The following RRM2 variants were observed in gnomAD, a reference collection of about 807,000 sequenced individuals.
The protein encoded by RRM2 is ribonucleoside-diphosphate reductase subunit M2.
A neutral mutation model predicts 45.9 loss-of-function variants in RRM2; 6 were observed. The ratio of observed to expected loss-of-function variants is 0.13; its 90% CI spans 0.07 to 0.26. The LOEUF (loss-of-function observed/expected upper bound fraction) is 0.26. Ranked by LOEUF, RRM2 falls within the 10% of genes least tolerant of loss-of-function variation. The pLI is 1.00. For missense variants in RRM2, 343 were observed against 489.5 expected, an observed-to-expected ratio of 0.70 and a Z score of 2.82; for synonymous variants, 177 against 173.0, an observed-to-expected ratio of 1.02 and a Z score of -0.18.
chr2:10,204,194 C>A lies in RRM2; in HGVS notation n.483-6117C>A, dbSNP rs1664623479. 6.6e-6 allele frequency among the ~76,000 whole-genome samples: 1 copy of A among 152,042 alleles called. No individual in the cohort carries two copies. The highest frequency in any genetic ancestry group is 2.1e-4 in the South Asian group (1 of 4,820). On this transcript the variant is annotated intron_variant and non_coding_transcript_variant, in intron 3 of 3. Coordinates refer to the RRM2 transcript ENST00000381786. This position sits in a 1 kb window ranked among gnomAD's most constrained non-coding sequence, Gnocchi z 4.0. The stretch of plus-strand genomic sequence containing the variant: ...GAAGATAGACTTCTTTCACCTGGGG[C>A]CTGGCTTCGTCCAACAGCAGAGCCC...
Position 10,122,774 on chromosome 2 carries a change from C to T in RRM2, c.-25C>T, listed in dbSNP as rs565233564. On this transcript the variant is annotated 5_prime_UTR_variant, in exon 1 of 10. Transcript: ENST00000304567. Reference sequence around the variant, plus strand: ...TCCCAGCCGTCCTGTCCTGGCTGCTCGCTCTGCTTCGCTGCGCCTCCACTA... The same window carrying T: ...TCCCAGCCGTCCTGTCCTGGCTGCTTGCTCTGCTTCGCTGCGCCTCCACTA... The T allele has an allele frequency of 5.7e-6, 9 of 1,567,376 alleles. No individual in the cohort carries two copies. Among genetic ancestry groups the T allele is most frequent in the Admixed American group, 3.8e-5 (2 of 52,384 alleles).
exon 1 of RRM2, chr2:10,141,604 T>C (rs1349925496): frequency 2.7e-5 from 14 of 522,164 alleles, no homozygotes; most frequent in Non-Finnish European, 1.0e-5. Flanking sequence ...GAGTCAAGAA[T>C]GCATGTGCTT....
intron 3 of RRM2, chr2:10,142,420 T>C (rs1572497924): frequency 7.3e-7 from 1 of 1,366,530 alleles, no homozygotes; most frequent in African/African-American, 1.5e-5. Context: ...GAGGGGCCAC[T>C]GTGGAGGTGG....
At chr2:10,162,278 T>A (rs940145534) in intron 3 of RRM2, among the ~76,000 whole-genome samples, 1 of 152,128 alleles carries the variant, frequency 6.6e-6, no homozygotes, top group Non-Finnish European at 1.5e-5. Context: ...CCGTCGTTCA[T>A]GTCGATTCTC....
chr2:10,150,201 A>G (rs1048977655), intron 3 of RRM2, among the ~76,000 whole-genome samples: 13 of 152,058 alleles, frequency 8.5e-5, no homozygotes, highest in Non-Finnish European at 1.8e-4. Flanking sequence ...TAATCCCAGC[A>G]CTTTGGGAGG....
At chr2:10,152,270 G>A (rs988681850) in intron 3 of RRM2, among the ~76,000 whole-genome samples, 2 of 152,044 alleles carry the variant, frequency 1.3e-5, no homozygotes, top group East Asian at 3.9e-4. Flanking sequence ...TAAAAATATC[G>A]AGTTGTGTTA....
intron 2 of RRM2, chr2:10,142,113 G>C (rs1310992625): frequency 6.4e-7 from 1 of 1,574,358 alleles, no homozygotes; most frequent in East Asian, 2.3e-5. Flanking sequence ...CGGAGGGTGG[G>C]CAAGCGCAAA....
At chr2:10,209,054 TTTC>T (rs1205459715) in intron 3 of RRM2, among the ~76,000 whole-genome samples, 314 of 145,428 alleles carry the variant, frequency 2.2e-3, no homozygotes, top group East Asian at 7.4e-3. Context: ...TCTTTCTTTC[TTTC>T]TTTTTTTTTT....
At chr2:10,209,083 T>A (rs1158361951) in intron 3 of RRM2, among the ~76,000 whole-genome samples, 2 of 148,402 alleles carry the variant, frequency 1.3e-5, no homozygotes, top group Non-Finnish European at 3.0e-5. Context: ...TGAGATGAAG[T>A]CTTATTCCAT....
In RRM2 at chr2:10,126,871, C is replaced by A. The variant is rs1662790038; in HGVS notation, c.570-4C>A. The A allele has an allele frequency of 5.0e-6, 8 of 1,611,746 alleles. No homozygotes were observed. The highest frequency in any genetic ancestry group is 6.8e-6 in the Non-Finnish European group (8 of 1,178,464). On this transcript the variant is annotated splice_polypyrimidine_tract_variant and splice_region_variant and intron_variant, in intron 5 of 9. Transcript: ENST00000304567. ...CAATTGCTGATACCGTATGTGCCTA[C>A]TAGGGAATTTCTCTTCAATGCCATT...
rs1015742268 is a variant in RRM2 at position 10,172,996 on chromosome 2, C to T, written n.482+30621C>T. On this transcript the variant is annotated intron_variant and non_coding_transcript_variant, in intron 3 of 3. Transcript: ENST00000381786. The surrounding 1 kb of genome is among the most constrained non-coding windows in gnomAD (Gnocchi z 4.9). Reference sequence around the variant, plus strand: ...GTCTTCCTTGTCTGTCCTCTCCTGCCGCCTCCATTCAACTTTCTCCCTTCT... The same window carrying T: ...GTCTTCCTTGTCTGTCCTCTCCTGCTGCCTCCATTCAACTTTCTCCCTTCT... 6.6e-6 allele frequency among the ~76,000 whole-genome samples: 1 copy of T among 152,264 alleles called. No individual in the cohort carries two copies. Among genetic ancestry groups the T allele is most frequent in the Non-Finnish European group, 1.5e-5 (1 of 68,022 alleles).
chr2:10,146,582 G>C (rs953194085), intron 3 of RRM2, among the ~76,000 whole-genome samples: 19 of 152,358 alleles, frequency 1.2e-4, no homozygotes, highest in African/African-American at 4.3e-4. Flanking sequence ...GGGCAACGCT[G>C]TGTCCCCTCT....
chr2:10,149,875 T>C (rs1663271121), intron 3 of RRM2, among the ~76,000 whole-genome samples: 1 of 152,252 alleles, frequency 6.6e-6, no homozygotes, highest in African/African-American at 2.4e-5. Flanking sequence ...GCCCCACTCC[T>C]GCTCATGCAG....
At chr2:10,141,976 T>C in intron 2 of RRM2, 1 of 1,570,726 alleles carries the variant, frequency 6.4e-7, no homozygotes, top group Non-Finnish European at 8.6e-7. Context: ...GGTGACAAGC[T>C]CTGAAGACAA....
Position 10,161,534 on chromosome 2 carries a change from A to T in RRM2, n.482+19159A>T, listed in dbSNP as rs545358893. 3.3e-5 allele frequency among the ~76,000 whole-genome samples: 5 copies of T among 152,238 alleles called. No homozygotes were observed. In the East Asian group the frequency reaches 9.7e-4, roughly 29 times the overall value. On this transcript the variant is annotated intron_variant and non_coding_transcript_variant, in intron 3 of 3. Transcript: ENST00000381786. ...CCCAGCCCAGTGAGGGGCCAGCCTC[A>T]TCTCCATTCTACAGATGAGAAAAAT...
chr2:10,185,725 C>T lies in RRM2; in HGVS notation n.483-24586C>T, dbSNP rs943916752. 6.6e-6 allele frequency among the ~76,000 whole-genome samples: 1 copy of T among 152,128 alleles called. No individual in the cohort carries two copies. Among genetic ancestry groups the T allele is most frequent in the African/African-American group, 2.4e-5 (1 of 41,434 alleles). On this transcript the variant is annotated intron_variant and non_coding_transcript_variant, in intron 3 of 3. Coordinates refer to the RRM2 transcript ENST00000381786. This position sits in a 1 kb window ranked among gnomAD's most constrained non-coding sequence, Gnocchi z 4.3. ...TGTCTCCCCTTCCTTGCCTTTCAAACTCCTCTCTCTGTCCCTTTGTCTCCT... is the reference window on the plus strand; with the variant it reads ...TGTCTCCCCTTCCTTGCCTTTCAAATTCCTCTCTCTGTCCCTTTGTCTCCT...
intron 3 of RRM2, among the ~76,000 whole-genome samples, chr2:10,201,013 TG>T (rs1044848344): frequency 6.6e-6 from 1 of 152,014 alleles, no homozygotes; most frequent in African/African-American, 2.4e-5. Context: ...CTGGGCATGG[TG>T]GTGCATGCCT....
rs193019100 is a variant in RRM2 at position 10,210,825 on chromosome 2, C to T, written n.997C>T. 76 of 356,416 alleles carry T rather than the reference C, an allele frequency of 2.1e-4. No individual in the cohort carries two copies. In the East Asian group the frequency reaches 4.0e-3, roughly 19 times the overall value. The allele number at this position is 356,416 out of a possible 1,614,324, so 22.1% of individuals were successfully genotyped here. A position where few individuals can be genotyped will look rare whatever the true frequency, so the allele number is the denominator to read the frequency against. On this transcript the variant is annotated non_coding_transcript_exon_variant, in exon 4 of 4. Coordinates refer to the RRM2 transcript ENST00000381786. ...TGGAGCCTTTGGGAGGTGGTTAGGC[C>T]GTGAGGGTGGAGACCCATGCTGGGG... is the stretch of plus-strand genomic sequence containing the variant.
At chr2:10,164,157 G>A (rs1013254452) in intron 3 of RRM2, among the ~76,000 whole-genome samples, 1 of 151,752 alleles carries the variant, frequency 6.6e-6, no homozygotes, top group African/African-American at 2.4e-5. Context: ...AACCTTTTTT[G>A]AATGGAGCCC....
Sources: allele counts gnomAD v4.1 joint callset (sites outside exome capture counted in the v4.1 genomes callset), GRCh38; gene constraint gnomAD v4.1.1; non-coding constraint Gnocchi (gnomAD v3.1); transcripts MANE v1.5; gene names NCBI Gene and HGNC (gene_info 2026-07-23, HGNC 2026-07-21).